The following DRAM1 variants were observed in gnomAD, a reference collection of about 807,000 sequenced individuals.
DRAM1 encodes DNA damage-regulated autophagy modulator protein 1.
In DRAM1, 25 loss-of-function variants were observed where a neutral mutation model predicts 28.5. That is an observed-to-expected ratio of 0.88 (90% CI 0.64 to 1.23). The LOEUF (loss-of-function observed/expected upper bound fraction) is 1.23, where lower values mean the gene tolerates loss of function less well. Among genes scored for constraint, DRAM1 ranks in the 50% most tolerant of loss-of-function variants. DRAM1 has a pLI of 0.00. For missense variants in DRAM1, 249 were observed against 299.2 expected (o/e 0.83, Z 1.24); for synonymous variants, 113 against 114.2 (o/e 0.99, Z 0.07).
At chr12:101,896,609 A>G (rs372578121) in intron 1 of DRAM1, among the ~76,000 whole-genome samples, 28 of 152,292 alleles carry the variant, frequency 1.8e-4, no homozygotes, top group African/African-American at 6.5e-4. Flanking sequence ...AAAAAATAAA[A>G]AAAAAGAACA....
At chr12:101,887,928 T>A (rs1872949060) in intron 1 of DRAM1, among the ~76,000 whole-genome samples, 1 of 152,136 alleles carries the variant, frequency 6.6e-6, no homozygotes, top group South Asian at 2.1e-4. Context: ...GCTTTCCTGT[T>A]CAGCCGTAAC....
At chr12:101,910,671 G>T (rs1021869996) in intron 4 of DRAM1, among the ~76,000 whole-genome samples, 1 of 151,654 alleles carries the variant, frequency 6.6e-6, no homozygotes, top group Non-Finnish European at 1.5e-5. Context: ...AGAGACGGGG[G>T]TTTCACCATG....
intron 3 of DRAM1, among the ~76,000 whole-genome samples, chr12:101,905,957 T>A (rs1385927998): frequency 6.6e-6 from 1 of 151,944 alleles, no homozygotes; most frequent in Non-Finnish European, 1.5e-5. Flanking sequence ...GCCTGGCTAG[T>A]TTTTGTATTT....
chr12:101,898,281 C>G (rs768043328), intron 2 of DRAM1, among the ~76,000 whole-genome samples: 1 of 152,182 alleles, frequency 6.6e-6, no homozygotes, highest in Non-Finnish European at 1.5e-5. Flanking sequence ...CTTGGCCTCT[C>G]AAAGTGCTGA....
At chr12:101,908,864 C>G (rs758270255) in intron 4 of DRAM1, among the ~76,000 whole-genome samples, 1 of 109,922 alleles carries the variant, frequency 9.1e-6, no homozygotes, top group Non-Finnish European at 1.7e-5. Flanking sequence ...CGTGTCTTAG[C>G]AAAGCTTGAC....
chr12:101,893,690 A>G (rs1873226487), intron 1 of DRAM1, among the ~76,000 whole-genome samples: 1 of 152,154 alleles, frequency 6.6e-6, no homozygotes, highest in South Asian at 2.1e-4. Context: ...GTAAAGATGA[A>G]ATGAACTGAT....
chr12:101,895,016 G>T (rs1873292552), intron 1 of DRAM1, among the ~76,000 whole-genome samples: 1 of 152,020 alleles, frequency 6.6e-6, no homozygotes, highest in South Asian at 2.1e-4. Context: ...CAAAAGTGCT[G>T]CCCAAGGTTA....
intron 3 of DRAM1, among the ~76,000 whole-genome samples, chr12:101,902,501 AAAGG>A (rs1434100310): frequency 6.6e-6 from 1 of 152,212 alleles, no homozygotes; most frequent in African/African-American, 2.4e-5. Context: ...CAAAATTTAA[AAAGG>A]AAGACCTAGA....
intron 3 of DRAM1, among the ~76,000 whole-genome samples, chr12:101,907,558 G>A (rs1181481517): frequency 6.6e-6 from 1 of 152,000 alleles, no homozygotes; most frequent in Non-Finnish European, 1.5e-5. Context: ...GGCCAACATG[G>A]CGAAACCCCG....
intron 3 of DRAM1, among the ~76,000 whole-genome samples, chr12:101,907,223 A>AAG (rs1446202052): frequency 0.095 from 13,385 of 140,690 alleles, 745 homozygotes; most frequent in Middle Eastern, 0.17. Flanking sequence ...AAAAAAGAAG[A>AAG]AAAAAGAAGC....
intron 4 of DRAM1, among the ~76,000 whole-genome samples, chr12:101,910,198 C>A (rs116821717): frequency 6.6e-6 from 1 of 152,002 alleles, no homozygotes; most frequent in Admixed American, 6.6e-5. Context: ...AAATATATAC[C>A]CTTGTTCCTA....
chr12:101,912,028 A>G (rs1035073173), intron 4 of DRAM1, among the ~76,000 whole-genome samples: 1 of 152,058 alleles, frequency 6.6e-6, no homozygotes, highest in Admixed American at 6.6e-5. Flanking sequence ...GTGAAACCCC[A>G]TCTCTACTAA....
chr12:101,911,062 C>A (rs941253192), intron 4 of DRAM1, among the ~76,000 whole-genome samples: 1 of 151,946 alleles, frequency 6.6e-6, no homozygotes, highest in African/African-American at 2.4e-5. Context: ...ATGGTGAAAT[C>A]TCATCTCTAC....
intron 1 of DRAM1, among the ~76,000 whole-genome samples, chr12:101,894,266 C>T (rs1274726329): frequency 1.3e-5 from 2 of 152,092 alleles, no homozygotes; most frequent in African/African-American, 4.8e-5. Flanking sequence ...TACAGGCATG[C>T]ACCACTATGC....
rs1478923952 is a variant in DRAM1 at position 101,922,740 on chromosome 12, A to G, written c.*1480A>G. On this transcript the variant is annotated 3_prime_UTR_variant, in exon 7 of 7. Coordinates refer to ENST00000258534, the MANE Select transcript of DRAM1 (RefSeq NM_018370.3). The stretch of plus-strand genomic sequence containing the variant: ...TGTAAGCATGCTTTCTTTAAGACGC[A>G]TCATAAATGGTTTTCTTTAAGTGAA... 1 of 152,234 alleles carries G rather than the reference A, an allele frequency of 6.6e-6. No homozygotes were observed. Among genetic ancestry groups the G allele is most frequent in the Non-Finnish European group, 1.5e-5 (1 of 68,038 alleles). The allele number at this position is 152,234 out of a possible 1,614,324, so 9.4% of individuals were successfully genotyped here.
chr12:101,898,286 T>C (rs1873464951), intron 2 of DRAM1, among the ~76,000 whole-genome samples: 2 of 152,200 alleles, frequency 1.3e-5, no homozygotes, highest in South Asian at 2.1e-4. Flanking sequence ...CCTCTCAAAG[T>C]GCTGAACTTA....
At chr12:101,883,029 G>T (rs551216845) in intron 1 of DRAM1, among the ~76,000 whole-genome samples, 1 of 150,938 alleles carries the variant, frequency 6.6e-6, no homozygotes, top group South Asian at 2.2e-4. Flanking sequence ...AAAGCTCTCT[G>T]TACCTAGCAG....
intron 1 of DRAM1, among the ~76,000 whole-genome samples, chr12:101,880,278 CTTTTTTTTT>C (rs61082909): frequency 2.9e-5 from 2 of 70,098 alleles, no homozygotes; most frequent in South Asian, 4.3e-4. Context: ...GCAATGCTTC[CTTTTTTTTT>C]TTTTTTTTTT....
intron 3 of DRAM1, among the ~76,000 whole-genome samples, chr12:101,902,559 G>T (rs1873646125): frequency 6.6e-6 from 1 of 152,154 alleles, no homozygotes; most frequent in Admixed American, 6.5e-5. Context: ...GTTTAATGGG[G>T]GCTAGTATAG....
Sources: gnomAD v4.1 joint callset for allele counts (sites outside exome capture counted in the v4.1 genomes callset) on GRCh38, gnomAD v4.1.1 for gene constraint, MANE v1.5 for transcripts, NCBI Gene and HGNC (gene_info 2026-07-23, HGNC 2026-07-21) for gene names.